Variants in RIMKLB observed in about 807,000 individuals in gnomAD.
RIMKLB encodes beta-citrylglutamate synthase B.
In RIMKLB, 7 loss-of-function variants were observed where a neutral mutation model predicts 32.0. The observed-to-expected ratio is 0.22, with a 90% confidence interval of 0.12 to 0.41. The LOEUF is 0.41. Among genes scored for constraint, RIMKLB ranks in the 10% least tolerant of loss-of-function variants. RIMKLB has a pLI of 1.00. For missense variants in RIMKLB, 289 were observed against 498.7 expected (o/e 0.58, Z 4.00); for synonymous variants, 172 against 185.1 (o/e 0.93, Z 0.57).
intron 1 of RIMKLB, among the ~76,000 whole-genome samples, chr12:8,691,219 G>A (rs2136573312): frequency 6.6e-6 from 1 of 152,238 alleles, no homozygotes; most frequent in East Asian, 1.9e-4. Flanking sequence ...TAGAACTCCT[G>A]GGCTCAAGCA....
intron 2 of RIMKLB, 108 bp from the exon 3 acceptor site, chr12:8,749,754 C>G: frequency 1.4e-6 from 1 of 710,762 alleles, no homozygotes. Flanking sequence ...TTAATATTAA[C>G]AAAATAGTAC....
intron 2 of RIMKLB, among the ~76,000 whole-genome samples, chr12:8,736,577 G>A (rs140943542): frequency 9.7e-4 from 139 of 143,394 alleles, no homozygotes; most frequent in African/African-American, 3.4e-3. Context: ...GTGCAGTGGT[G>A]TGATCACAGC....
At chr12:8,782,213 A>G (rs1306029589) in intron 7 of RIMKLB, among the ~76,000 whole-genome samples, 1 of 152,136 alleles carries the variant, frequency 6.6e-6, no homozygotes, top group African/African-American at 2.4e-5. Context: ...GGAACACAAG[A>G]GAGCATTTAA....
At chr12:8,777,349 C>G, downstream of RIMKLB, 1 of 978,698 alleles carries the variant, frequency 1.0e-6, no homozygotes, top group Non-Finnish European at 1.2e-6. Flanking sequence ...TTGGAATCTT[C>G]TAGTCTTCCA....
intron 2 of RIMKLB, among the ~76,000 whole-genome samples, chr12:8,716,876 T>C (rs1230533249): frequency 6.6e-6 from 1 of 151,414 alleles, no homozygotes; most frequent in East Asian, 1.9e-4. Flanking sequence ...TTTTTCAAAA[T>C]TGTGTTTTCC....
intron 2 of RIMKLB, among the ~76,000 whole-genome samples, chr12:8,733,251 C>A (rs1946709860): frequency 6.7e-6 from 1 of 148,158 alleles, no homozygotes. Context: ...AATATCAGTT[C>A]TTGAATTTAT....
In RIMKLB at chr12:8,774,936, C is replaced by T. The variant is rs1950639438; in HGVS notation, c.*1152C>T. ...TTGCTTTTTGTTTCCATCAACTAAT[C>T]AAAAAGGATAATTTAGAAAATGGAG... On this transcript the variant is annotated 3_prime_UTR_variant, in exon 6 of 6. Coordinates refer to ENST00000535829, the MANE Select transcript of RIMKLB (RefSeq NM_001297776.2). 1 of 985,530 alleles carries T rather than the reference C, an allele frequency of 1.0e-6. No homozygotes were observed. The highest frequency in any genetic ancestry group is 1.2e-6 in the Non-Finnish European group (1 of 829,868). The allele number at this position is 985,530 out of a possible 1,614,324, so 61.0% of individuals were successfully genotyped here.
Position 8,774,779 on chromosome 12 carries a change from C to T in RIMKLB, c.*995C>T, listed in dbSNP as rs981706863. On this transcript the variant is annotated 3_prime_UTR_variant, in exon 6 of 6. Transcript: ENST00000535829. ...GGACAAGGAAAAATATTTTTGGGGG[C>T]AAATCAAGAGCCTATGAGTTCTAAG... 1.0e-6 allele frequency: 1 copy of T among 985,294 alleles called. No individual in the cohort carries two copies. 61.0% of individuals were successfully genotyped at this position (985,294 alleles called of 1,614,324 possible).
rs1424246340 is a variant in RIMKLB at position 8,773,676 on chromosome 12, T to G, written c.1053T>G (p.Val351=). The change falls in exon 6 of 6, where the codon GTT becomes GTG. Residue 351 remains valine, a synonymous_variant. Coordinates refer to ENST00000535829, the MANE Select transcript of RIMKLB (RefSeq NM_001297776.2). The stretch of plus-strand genomic sequence containing the variant: ...ACATGAGTGCAAGTTCCAGCTCTGT[T>G]GACAGCGACCCTGAAAGCACGGAGC... ...VDNMSASSSS[V]DSDPESTERE... 1 of 1,614,116 alleles carries G rather than the reference T, an allele frequency of 6.2e-7. No individual in the cohort carries two copies. The highest frequency in any genetic ancestry group is 1.3e-5 in the African/African-American group (1 of 74,946).
chr12:8,680,165 T>G (rs368859698), upstream of RIMKLB, among the ~76,000 whole-genome samples: 5 of 147,404 alleles, frequency 3.4e-5, no homozygotes, highest in East Asian at 7.9e-4. Context: ...CCACGCCTTA[T>G]TTTTTTTTTT....
At chr12:8,755,369 G>C (rs985688775) in intron 5 of RIMKLB, among the ~76,000 whole-genome samples, 16 of 151,802 alleles carry the variant, frequency 1.1e-4, no homozygotes, top group African/African-American at 3.9e-4. Flanking sequence ...CTAAACTTGT[G>C]GGATTATAGA....
At chr12:8,670,692 G>A in the RIMKLB span, among the ~76,000 whole-genome samples, 1 of 152,236 alleles carries the variant, frequency 6.6e-6, no homozygotes, top group Non-Finnish European at 1.5e-5. Flanking sequence ...GGGGGGCCAT[G>A]GCCGTCTTCT....
At chr12:8,729,800 TTA>T (rs1483477294) in intron 2 of RIMKLB, among the ~76,000 whole-genome samples, 1 of 152,112 alleles carries the variant, frequency 6.6e-6, no homozygotes, top group African/African-American at 2.4e-5. Context: ...TGCATTTTGT[TTA>T]TCCATTTTGC....
rs1422362084 is a variant in RIMKLB, at chr12:8,776,323, A to T, written c.*2539A>T. The T allele has an allele frequency of 1.6e-5, 16 of 979,044 alleles. No homozygotes were observed. The highest frequency in any genetic ancestry group is 1.9e-5 in the Non-Finnish European group (16 of 824,210). The allele number at this position is 979,044 out of a possible 1,614,324, so 60.6% of individuals were successfully genotyped here. ...GTTATCTTAGATTTTAAAAACATGG[A>T]TATCTTCTTGAATTCCTTCAAGATT... On this transcript the variant is annotated 3_prime_UTR_variant, in exon 6 of 6. Coordinates refer to ENST00000535829, the MANE Select transcript of RIMKLB (RefSeq NM_001297776.2).
the RIMKLB span, among the ~76,000 whole-genome samples, chr12:8,669,765 T>C: frequency 2.0e-5 from 3 of 151,922 alleles, no homozygotes; most frequent in Admixed American, 6.6e-5. Context: ...CGGTGGCTCA[T>C]GCCTGTAATC....
downstream of RIMKLB, chr12:8,777,226 T>TTC (rs1950784630): frequency 1.0e-6 from 1 of 970,232 alleles, no homozygotes; most frequent in Non-Finnish European, 1.2e-6. Flanking sequence ...TTTTTTTTTT[T>TTC]TTTTTTTTTT....
At chr12:8,672,653 T>G in the RIMKLB span, among the ~76,000 whole-genome samples, 1 of 151,516 alleles carries the variant, frequency 6.6e-6, no homozygotes, top group Non-Finnish European at 1.5e-5. Flanking sequence ...CCATGACACA[T>G]GGGAATTCTG....
intron 7 of RIMKLB, among the ~76,000 whole-genome samples, chr12:8,782,262 T>C (rs1041746872): frequency 5.3e-5 from 8 of 152,112 alleles, no homozygotes; most frequent in African/African-American, 1.9e-4. Context: ...GCACAATAAT[T>C]TTGTTTTATT....
At chr12:8,777,394 A>G, downstream of RIMKLB, 2 of 984,468 alleles carry the variant, frequency 2.0e-6, no homozygotes, top group Non-Finnish European at 2.4e-6. Flanking sequence ...TTTGTTTTGG[A>G]TTTTTGTGTG....
Sources: gnomAD v4.1 joint callset for allele counts (sites outside exome capture counted in the v4.1 genomes callset) on GRCh38, gnomAD v4.1.1 for gene constraint, MANE v1.5 for transcripts, NCBI Gene and HGNC (gene_info 2026-07-23, HGNC 2026-07-21) for gene names.